The following CLASP2 variants were observed in gnomAD, a reference collection of about 807,000 sequenced individuals.
CLASP2 encodes the protein CLIP-associating protein 2.
In CLASP2, 47 loss-of-function variants were observed where a neutral mutation model predicts 194.4. That is an observed-to-expected ratio of 0.24 (90% CI 0.19 to 0.31). CLASP2 has a LOEUF of 0.31. Among genes scored for constraint, CLASP2 ranks in the 10% least tolerant of loss-of-function variants. CLASP2 has a pLI of 1.00. For missense variants in CLASP2, 1,445 were observed against 1,823.6 expected (o/e 0.79, Z 3.78); for synonymous variants, 619 against 633.5 (o/e 0.98, Z 0.34).
intron 10 of CLASP2, among the ~76,000 whole-genome samples, chr3:33,623,483 T>A (rs1400096698): frequency 6.9e-6 from 1 of 145,164 alleles, no homozygotes; most frequent in Non-Finnish European, 1.5e-5. Flanking sequence ...TCAAGTTCAA[T>A]TTTTTTTTTT....
intron 37 of CLASP2, chr3:33,505,248 CAACAACAACAACAACAACAAA>C (rs1489803268): frequency 2.1e-4 from 32 of 150,584 alleles, no homozygotes; most frequent in African/African-American, 7.8e-4. Flanking sequence ...ACAACAACAA[CAACAACAACAACAACAACAAA>C]ACATAACCAC....
intron 34 of CLASP2, among the ~76,000 whole-genome samples, chr3:33,534,059 T>G: frequency 6.6e-6 from 1 of 152,044 alleles, no homozygotes. Context: ...AAGAATTATT[T>G]ATGGGCATAA....
intron 13 of CLASP2, among the ~76,000 whole-genome samples, chr3:33,609,146 G>A (rs2074564166): frequency 1.3e-5 from 2 of 151,696 alleles, no homozygotes; most frequent in Non-Finnish European, 2.9e-5. Flanking sequence ...TGGGTATGGT[G>A]GTGTATGCCT....
intron 6 of CLASP2, among the ~76,000 whole-genome samples, chr3:33,670,199 T>C (rs2086900956): frequency 6.6e-6 from 1 of 152,066 alleles, no homozygotes; most frequent in South Asian, 2.1e-4. Flanking sequence ...TAATATAAAA[T>C]TCAGAAACAG....
chr3:33,524,268 T>C (rs1353635748), intron 34 of CLASP2, among the ~76,000 whole-genome samples: 1 of 152,162 alleles, frequency 6.6e-6, no homozygotes, highest in Non-Finnish European at 1.5e-5. Context: ...AAACTATTAC[T>C]ATTTGCATGG....
chr3:33,677,571 G>C (rs1401451713), intron 6 of CLASP2, among the ~76,000 whole-genome samples: 1 of 110,226 alleles, frequency 9.1e-6, no homozygotes, highest in East Asian at 3.3e-4. Flanking sequence ...GGGGGAGGGG[G>C]GAGGGATAGC....
At chr3:33,632,224 C>A in intron 9 of CLASP2, 68 bp downstream of exon 9, 2 of 968,200 alleles carry the variant, frequency 2.1e-6, no homozygotes, top group Non-Finnish European at 3.0e-6. Flanking sequence ...TAAAAAGGGA[C>A]AGAGACAAAT....
chr3:33,592,734 A>C, intron 20 of CLASP2: 1 of 543,440 alleles, frequency 1.8e-6, no homozygotes, highest in East Asian at 3.8e-5. Context: ...TTACATTCTT[A>C]GTTTATATAT....
At chr3:33,613,525 G>A (rs2075578712) in intron 12 of CLASP2, among the ~76,000 whole-genome samples, 1 of 152,186 alleles carries the variant, frequency 6.6e-6, no homozygotes, top group Non-Finnish European at 1.5e-5. Context: ...AAGTGCATAT[G>A]GCACATCAGT....
At chr3:33,601,100 A>C (rs2072019632) in intron 18 of CLASP2, among the ~76,000 whole-genome samples, 2 of 151,796 alleles carry the variant, frequency 1.3e-5, no homozygotes, top group Non-Finnish European at 2.9e-5. Flanking sequence ...CTGGGACTAC[A>C]GGCGCTCGCC....
At chr3:33,682,983 G>T (rs1234149358) in intron 6 of CLASP2, 4 of 152,262 alleles carry the variant, frequency 2.6e-5, no homozygotes, top group African/African-American at 9.6e-5. Context: ...TTTTGCAATT[G>T]TAAGAACCCT....
intron 6 of CLASP2, among the ~76,000 whole-genome samples, chr3:33,672,770 C>A (rs111501095): frequency 0.016 from 2,453 of 152,184 alleles, 55 homozygotes; most frequent in African/African-American, 0.054. Flanking sequence ...GCTGAAAGCC[C>A]AGGCTCGAGA....
chr3:33,602,252 G>A (rs968880855), intron 18 of CLASP2, among the ~76,000 whole-genome samples: 4 of 152,102 alleles, frequency 2.6e-5, no homozygotes, highest in African/African-American at 9.7e-5. Context: ...GACCTCAGGT[G>A]ATCTGCCCGC....
At chr3:33,707,760 A>G (rs1559699732) in intron 1 of CLASP2, among the ~76,000 whole-genome samples, 1 of 152,254 alleles carries the variant, frequency 6.6e-6, no homozygotes, top group Non-Finnish European at 1.5e-5. Context: ...GAACAGTCAA[A>G]CATCATTACA....
In CLASP2 at chr3:33,619,703, T is replaced by C; in HGVS notation, c.1217A>G (p.His406Arg). The C allele has an allele frequency of 1.3e-6, 2 of 1,586,178 alleles. No individual in the cohort carries two copies. The highest frequency in any genetic ancestry group is 2.3e-5 in the East Asian group (1 of 43,472). The part of the protein sequence containing the change: ...LSTVLGNKFD[H>R]GAEAIVPTLF... ...TGTAGGTACAATGGCTTCAGCGCCATGATCAAACTTGTTTCCCAAAACTGT... is the reference window on the plus strand; with the variant it reads ...TGTAGGTACAATGGCTTCAGCGCCACGATCAAACTTGTTTCCCAAAACTGT... Residue 406 changes from histidine to arginine, a missense_variant, in exon 12 of 39, where the codon CAT (histidine) becomes CGT (arginine). Physicochemically the swap from His to Arg is conservative, Grantham distance 29 (BLOSUM62 0). Around this residue, in one of 4 missense-constraint regions of CLASP2, gnomAD observed 207 missense variants for 331.4 expected, o/e 0.62. Transcript: ENST00000682230.
intron 1 of CLASP2, among the ~76,000 whole-genome samples, chr3:33,715,134 T>G (rs996222870): frequency 4.6e-5 from 7 of 152,240 alleles, no homozygotes; most frequent in African/African-American, 1.2e-4. Context: ...TTGACTCTTA[T>G]GTTTCTTCAG....
At chr3:33,545,016 G>A in intron 30 of CLASP2, 175 bp from the exon 31 acceptor site, 3 of 441,440 alleles carry the variant, frequency 6.8e-6, no homozygotes, top group South Asian at 6.4e-5. Flanking sequence ...AAAAAATATT[G>A]ACCTACCTTT....
chr3:33,544,035 C>G (rs2058775227), intron 31 of CLASP2, among the ~76,000 whole-genome samples: 1 of 152,162 alleles, frequency 6.6e-6, no homozygotes. Context: ...CCTCCTCAGA[C>G]TTTACCTTAA....
At chr3:33,549,402 C>T (rs922727178) in intron 30 of CLASP2, among the ~76,000 whole-genome samples, 10 of 152,194 alleles carry the variant, frequency 6.6e-5, no homozygotes, top group Non-Finnish European at 1.2e-4. Context: ...TTATCCCATA[C>T]ATTTTGGTAT....
Sources: gnomAD v4.1 joint callset for allele counts (sites outside exome capture counted in the v4.1 genomes callset) on GRCh38, gnomAD v4.1.1 for gene constraint, gnomAD v4.1.1 regional missense constraint, MANE v1.5 for transcripts, NCBI Gene and HGNC (gene_info 2026-07-23, HGNC 2026-07-21) for gene names.